Variants in SHPRH observed in about 807,000 individuals in gnomAD.
The protein encoded by SHPRH is E3 ubiquitin-protein ligase SHPRH.
A neutral mutation model predicts 202.5 loss-of-function variants in SHPRH; 106 were observed. The observed-to-expected ratio is 0.52, with a 90% CI of 0.45 to 0.62. The LOEUF (loss-of-function observed/expected upper bound fraction) is 0.62, where lower values mean the gene tolerates loss of function less well. Among genes scored for constraint, SHPRH ranks in the 20% least tolerant of loss-of-function variants. The pLI, the probability that SHPRH is intolerant of heterozygous loss-of-function variation, is 0.00. For missense variants in SHPRH, 1,710 were observed against 2,020.0 expected (o/e 0.85, Z 2.94); for synonymous variants, 729 against 686.0 (o/e 1.06, Z -0.98).
chr6:145,914,978 G>A (rs1783820892), intron 23 of SHPRH, among the ~76,000 whole-genome samples: 1 of 151,648 alleles, frequency 6.6e-6, no homozygotes, highest in Non-Finnish European at 1.5e-5. Context: ...GTTCATTAGT[G>A]TTCAAATGTT....
intron 17 of SHPRH, 47 bp from the exon 18 acceptor site, chr6:145,923,832 C>T: frequency 1.3e-6 from 2 of 1,575,830 alleles, no homozygotes; most frequent in South Asian, 1.2e-5. Context: ...TTTTTTAGTA[C>T]TCACTAAGCT....
At position 145,935,051 on chromosome 6, in the gene SHPRH, A is replaced by C; in HGVS notation, c.2846T>G (p.Leu949Arg). 1 of 1,613,898 alleles carries C rather than the reference A, an allele frequency of 6.2e-7. No individual in the cohort carries two copies. The highest frequency in any genetic ancestry group is 8.5e-7 in the Non-Finnish European group (1 of 1,179,972). Residue 949 changes from leucine to arginine, a missense_variant, in exon 13 of 30, where the codon CTC (leucine) becomes CGC (arginine). Coordinates refer to ENST00000275233, the MANE Select transcript of SHPRH (RefSeq NM_001042683.3). ...CAGAGCCCAGTCAGAAATCTTCCTG[A>C]GTTTTACCACCACATCCTGGCAGCA... Reference protein sequence around the residue: ...EVCCQDVVVKLRKISDWALKL... With the variant: ...EVCCQDVVVKRRKISDWALKL...
chr6:145,940,145 G>A (rs2128776761), intron 11 of SHPRH, among the ~76,000 whole-genome samples: 1 of 152,110 alleles, frequency 6.6e-6, no homozygotes, highest in East Asian at 1.9e-4. Flanking sequence ...CGTGTGGAGA[G>A]GAGGAAAAAA....
chr6:145,932,649 C>T (rs1417704910), intron 14 of SHPRH, among the ~76,000 whole-genome samples: 1 of 152,056 alleles, frequency 6.6e-6, no homozygotes, highest in Non-Finnish European at 1.5e-5. Flanking sequence ...AAAAAATGAT[C>T]CCACAAACTA....
Position 145,922,855 on chromosome 6 carries a change from C to T in SHPRH, c.3546-19G>A, listed in dbSNP as rs200521519. 1.5e-5 allele frequency: 23 copies of T among 1,571,674 alleles called. No individual in the cohort carries two copies. The East Asian group carries it at 5.0e-4, about 34-fold the overall frequency. ...ACGGAACCTGATTCCCACACCAGCA[C>T]CACACACAATACAAAGAAAAGAATA... On this transcript the variant is annotated intron_variant, in intron 18 of 29. Transcript: ENST00000275233.
At chr6:145,920,323 A>G (rs12332892) in intron 21 of SHPRH, among the ~76,000 whole-genome samples, 12,194 of 152,152 alleles carry the variant, frequency 0.08, 1,621 homozygotes, top group African/African-American at 0.27. Context: ...TACAGGGGCA[A>G]CTGAACATCA....
chr6:145,860,906 T>C (rs764744835), downstream of SHPRH, among the ~76,000 whole-genome samples: 3 of 152,060 alleles, frequency 2.0e-5, no homozygotes, highest in Non-Finnish European at 4.4e-5. Flanking sequence ...GAAAAGATAA[T>C]CTATTCAGTA....
chr6:145,942,684 C>A (rs150970454), intron 9 of SHPRH, among the ~76,000 whole-genome samples: 4 of 152,240 alleles, frequency 2.6e-5, no homozygotes, highest in Admixed American at 6.5e-5. Context: ...CAGTTCCTGG[C>A]ACATAATAAG....
rs367552175 is a variant in SHPRH, at chr6:145,926,188, T to G, written c.3294+16A>C. ...AGAAAATATACTTTTATAGACAGAA[T>G]GAAAAAAATAATTACCTCTTCCTCA... On this transcript the variant is annotated intron_variant, in intron 16 of 29. Coordinates refer to ENST00000275233, the MANE Select transcript of SHPRH (RefSeq NM_001042683.3). 2.5e-6 allele frequency: 4 copies of G among 1,608,876 alleles called. No individual in the cohort carries two copies. The South Asian group carries it at 3.3e-5, about 13-fold the overall frequency.
chr6:145,956,964 T>TA (rs1788568793), intron 1 of SHPRH, among the ~76,000 whole-genome samples: 1 of 151,908 alleles, frequency 6.6e-6, no homozygotes, highest in South Asian at 2.1e-4. Context: ...AAAAGAAAAA[T>TA]AAAGTTGAAT....
intron 25 of SHPRH, among the ~76,000 whole-genome samples, chr6:145,899,219 C>T (rs1444851991): frequency 2.6e-5 from 4 of 152,022 alleles, no homozygotes; most frequent in Non-Finnish European, 4.4e-5. Context: ...CATATGGAAC[C>T]ACAAAAGACC....
At chr6:145,891,784 G>A (rs774943720) in intron 28 of SHPRH, among the ~76,000 whole-genome samples, 2 of 152,130 alleles carry the variant, frequency 1.3e-5, no homozygotes, top group East Asian at 1.9e-4. Flanking sequence ...ATTGACTTGC[G>A]AGGCATAGTA....
At chr6:145,932,382 A>C (rs1443466179) in intron 14 of SHPRH, among the ~76,000 whole-genome samples, 1 of 152,214 alleles carries the variant, frequency 6.6e-6, no homozygotes, top group Non-Finnish European at 1.5e-5. Flanking sequence ...ACCTAATGCA[A>C]AAAAAGTGAT....
intron 7 of SHPRH, 100 bp from the exon 8 acceptor site, chr6:145,945,737 G>T: frequency 8.8e-6 from 11 of 1,245,164 alleles, no homozygotes; most frequent in South Asian, 2.0e-5. Flanking sequence ...AGTTAAGAAA[G>T]AAATAAATCA....
intron 11 of SHPRH, among the ~76,000 whole-genome samples, chr6:145,936,821 C>G (rs1037548998): frequency 3.3e-5 from 5 of 152,084 alleles, no homozygotes; most frequent in African/African-American, 1.2e-4. Context: ...TCTGAAAGAA[C>G]CAATGCATCA....
At chr6:145,879,009 T>C (rs1780432042) in intron 2 of SHPRH, among the ~76,000 whole-genome samples, 1 of 152,216 alleles carries the variant, frequency 6.6e-6, no homozygotes, top group Admixed American at 6.5e-5. Context: ...TTTGGTACTA[T>C]TAAAACTTCC....
At chr6:145,902,236 A>G (rs998619518) in intron 25 of SHPRH, among the ~76,000 whole-genome samples, 1 of 152,156 alleles carries the variant, frequency 6.6e-6, no homozygotes, top group Non-Finnish European at 1.5e-5. Flanking sequence ...AGGCCAATAA[A>G]GAATATTTCT....
chr6:145,943,359 A>C lies in SHPRH; in HGVS notation c.2022T>G (p.Arg674=). The change falls in exon 9 of 30, where the codon CGT becomes CGG. Residue 674 remains arginine, a synonymous_variant. Transcript: ENST00000275233. Reference sequence around the variant, plus strand: ...ACAGGTGACACTTCAGGCATTGAACACGAGGCTTACGATCTATCTGATCAA... The same window carrying C: ...ACAGGTGACACTTCAGGCATTGAACCCGAGGCTTACGATCTATCTGATCAA... ...GELDQIDRKP[R]VQCLKCHLWQ... 4 of 1,613,986 alleles carry C rather than the reference A, an allele frequency of 2.5e-6. No homozygotes were observed. The highest frequency in any genetic ancestry group is 3.4e-6 in the Non-Finnish European group (4 of 1,179,956).
chr6:145,874,408 G>A lies in SHPRH; in HGVS notation c.222-9917C>T, dbSNP rs12528401. Among the ~76,000 whole-genome samples, 771 of 152,018 alleles carry A rather than the reference G, an allele frequency of 5.1e-3. 21 individuals carry two copies. Among genetic ancestry groups the A allele is most frequent in the Admixed American group, 0.046 (698 of 15,260 alleles). ...AGTTCCATCATGCTGCCTGGTGTCC[G>A]TGTCCTTAATGATAAAGACTTTGAG... On this transcript the variant is annotated intron_variant, in intron 2 of 2. Coordinates refer to the SHPRH transcript ENST00000417762.
Sources: allele counts gnomAD v4.1 joint callset (sites outside exome capture counted in the v4.1 genomes callset), GRCh38; gene constraint gnomAD v4.1.1; transcripts MANE v1.5; gene names NCBI Gene and HGNC (gene_info 2026-07-23, HGNC 2026-07-21).